THOC2: variants seen among roughly 807,000 people sequenced by gnomAD.
THOC2 encodes the protein THO complex subunit 2, also known as THO complex 2.
A neutral mutation model predicts 128.4 loss-of-function variants in THOC2; 10 were observed. The observed-to-expected ratio is 0.08, with a 90% confidence interval of 0.05 to 0.13. The LOEUF (loss-of-function observed/expected upper bound fraction) is 0.13, where lower values mean the gene tolerates loss of function less well. Ranked by LOEUF, THOC2 falls within the 10% of genes least tolerant of loss-of-function variation. The pLI is 1.00. For missense variants in THOC2, 535 were observed against 1,155.7 expected, an observed-to-expected ratio of 0.46 and a Z score of 7.79; for synonymous variants, 393 against 396.9, an observed-to-expected ratio of 0.99 and a Z score of 0.12.
intron 1 of THOC2, among the ~76,000 whole-genome samples, chrX:123,720,215 G>C (rs1408349792): frequency 9.0e-6 from 1 of 111,032 alleles, no homozygotes; most frequent in Non-Finnish European, 1.9e-5. Flanking sequence ...GGAGGCCGAG[G>C]CATGAGAATT....
chrX:123,716,728 CAAAA>C (rs777748213), intron 1 of THOC2, among the ~76,000 whole-genome samples: 2 of 34,304 alleles, frequency 5.8e-5, no homozygotes, highest in South Asian at 1.5e-3. Context: ...GACTCTGTCT[CAAAA>C]AAAAAAAAAA....
chrX:123,606,426 T>C (rs1019615499), intron 38 of THOC2, among the ~76,000 whole-genome samples: 2 of 110,346 alleles, frequency 1.8e-5, no homozygotes, highest in South Asian at 3.9e-4. Flanking sequence ...ACCCCGTCTA[T>C]ACTGAAAATA....
At chrX:123,656,330 TAAAAAAAA>T (rs758091588) in intron 12 of THOC2, among the ~76,000 whole-genome samples, 2 of 37,967 alleles carry the variant, frequency 5.3e-5, no homozygotes, top group Non-Finnish European at 9.7e-5. Context: ...AGACTCCGTC[TAAAAAAAA>T]AAAAAAAAAA....
intron 26 of THOC2, 47 bp from the exon 27 acceptor site, chrX:123,624,238 A>C: frequency 9.2e-7 from 1 of 1,084,986 alleles, no homozygotes; most frequent in Non-Finnish European, 1.2e-6. Context: ...TATGATCCAC[A>C]AAATAGCAGA....
intron 12 of THOC2, 48 bp downstream of exon 12, chrX:123,665,594 G>T: frequency 1.1e-6 from 1 of 894,213 alleles, no homozygotes; most frequent in African/African-American, 2.0e-5. Context: ...AGTATACTCA[G>T]AATATTTTCA....
chrX:123,672,779 T>G (rs765033167), intron 8 of THOC2, among the ~76,000 whole-genome samples: 1 of 112,067 alleles, frequency 8.9e-6, no homozygotes, highest in East Asian at 2.8e-4. Context: ...GTCAGATGAA[T>G]GGAACAGTGA....
intron 12 of THOC2, among the ~76,000 whole-genome samples, chrX:123,656,330 T>TA (rs758091588): frequency 0.041 from 1,556 of 37,826 alleles, 46 homozygotes; most frequent in Non-Finnish European, 0.058. Context: ...AGACTCCGTC[T>TA]AAAAAAAAAA....
At chrX:123,622,892 C>T (rs1478575030) in intron 29 of THOC2, 32 bp from the exon 30 acceptor site, 2 of 1,039,535 alleles carry the variant, frequency 1.9e-6, no homozygotes, top group Non-Finnish European at 2.6e-6. Context: ...ATTTAACAAG[C>T]CCCTAAATGT....
At chrX:123,602,570 C>G (rs769624608) in intron 38 of THOC2, 1 of 111,491 alleles carries the variant, frequency 9.0e-6, no homozygotes, top group Non-Finnish European at 1.9e-5. Context: ...TTCCAGGGGC[C>G]GAGGAAGGGA....
chrX:123,696,934 C>CA (rs1301804549), intron 5 of THOC2, 92 bp from the exon 6 acceptor site: 1 of 691,380 alleles, frequency 1.4e-6, no homozygotes, highest in African/African-American at 2.3e-5. Context: ...AATAAGAATA[C>CA]AAAAATAACA....
chrX:123,694,839 G>C (rs182361265), intron 7 of THOC2, among the ~76,000 whole-genome samples: 2 of 110,143 alleles, frequency 1.8e-5, no homozygotes, highest in African/African-American at 3.3e-5. Flanking sequence ...TAAACAAAAG[G>C]CTATTTAGTT....
At chrX:123,638,020 T>C in intron 18 of THOC2, 23 bp downstream of exon 18, 7 of 1,119,916 alleles carry the variant, frequency 6.3e-6, no homozygotes, top group Non-Finnish European at 8.5e-6. Flanking sequence ...TAATTTCATC[T>C]TTGGAAAAAT....
chrX:123,604,753 C>A (rs2046406548), intron 38 of THOC2, among the ~76,000 whole-genome samples: 1 of 111,704 alleles, frequency 9.0e-6, no homozygotes, highest in African/African-American at 3.3e-5. Flanking sequence ...GGCAACCAAA[C>A]AATTTTTAAG....
At chrX:123,650,966 C>CA (rs1206409855) in intron 12 of THOC2, among the ~76,000 whole-genome samples, 1 of 111,833 alleles carries the variant, frequency 8.9e-6, no homozygotes, top group Non-Finnish European at 1.9e-5. Context: ...ACCTAATAGA[C>CA]ATCTACAGAA....
intron 12 of THOC2, among the ~76,000 whole-genome samples, chrX:123,653,312 C>T (rs1161113156): frequency 9.0e-6 from 1 of 111,579 alleles, no homozygotes; most frequent in Non-Finnish European, 1.9e-5. Context: ...ACCTCAAACC[C>T]GAAAAACCCT....
At chrX:123,615,655 ATAC>A (rs1209535037) in intron 33 of THOC2, among the ~76,000 whole-genome samples, 4 of 102,639 alleles carry the variant, frequency 3.9e-5, no homozygotes, top group Admixed American at 1.0e-4. Context: ...AAAAAAAAAA[ATAC>A]ACACACACAC....
Position 123,644,920 on chromosome X carries a change from G to A in THOC2, c.1429-11C>T, listed in dbSNP as rs775607014. The A allele has an allele frequency of 8.5e-7, 1 of 1,179,763 alleles. No individual in the cohort carries two copies. The stretch of plus-strand genomic sequence containing the variant: ...GCTAAGGATAACTTCCTAAAAGAAA[G>A]AAGGAAAAGTTATTTCAGTAAGAGG... On this transcript the variant is annotated splice_polypyrimidine_tract_variant and intron_variant, in intron 13 of 38. Coordinates refer to ENST00000245838, the MANE Select transcript of THOC2 (RefSeq NM_001081550.2).
At chrX:123,724,614 G>A (rs2051861252) in intron 1 of THOC2, among the ~76,000 whole-genome samples, 2 of 111,480 alleles carry the variant, frequency 1.8e-5, no homozygotes, top group South Asian at 7.7e-4. Flanking sequence ...GAACCCAGGA[G>A]GCAGAGGTTG....
intron 12 of THOC2, among the ~76,000 whole-genome samples, chrX:123,650,931 G>A (rs190638709): frequency 6.3e-5 from 7 of 111,558 alleles, no homozygotes; most frequent in East Asian, 5.6e-4. Flanking sequence ...TATTCAGGAC[G>A]TGAACTCAGC....
Sources: gnomAD v4.1 joint callset for allele counts (sites outside exome capture counted in the v4.1 genomes callset) on GRCh38, gnomAD v4.1.1 for gene constraint, MANE v1.5 for transcripts, NCBI Gene and HGNC (gene_info 2026-07-23, HGNC 2026-07-21) for gene names.